Variants in HCRTR2 observed in about 807,000 individuals in gnomAD.
HCRTR2 encodes hypocretin receptor 2.
Under a neutral mutation model 49.0 loss-of-function variants are expected in HCRTR2, and 22 were observed. The ratio of observed to expected loss-of-function variants is 0.45; its 90% CI spans 0.32 to 0.64. The LOEUF (loss-of-function observed/expected upper bound fraction) is 0.64, where lower values mean the gene tolerates loss of function less well. Among genes scored for constraint, HCRTR2 ranks in the 30% least tolerant of loss-of-function variants. The probability of loss-of-function intolerance (pLI) is 0.04; values close to 1 mark genes in which losing one functional copy is unlikely to be tolerated. For missense variants in HCRTR2, 491 were observed against 559.4 expected (o/e 0.88, Z 1.23); for synonymous variants, 236 against 205.3 (o/e 1.15, Z -1.28).
rs1228499929 is a variant in HCRTR2, at chr6:55,198,718, A to T, written c.223+23908A>T. Among the ~76,000 whole-genome samples the T allele has an allele frequency of 2.0e-5, 3 of 152,214 alleles. No individual in the cohort carries two copies. The East Asian group carries it at 5.8e-4, about 29-fold the overall frequency. On this transcript the variant is annotated intron_variant, in intron 1 of 6. Coordinates refer to ENST00000370862, the MANE Select transcript of HCRTR2 (RefSeq NM_001384272.1). ...TGATAAAACACTGAAAATTAGCTTAACAAGGAAAAAAATAAAAATGTGTGT... is the reference window on the plus strand; with the variant it reads ...TGATAAAACACTGAAAATTAGCTTATCAAGGAAAAAAATAAAAATGTGTGT...
At chr6:55,142,558 G>T (rs1051453254) in intron 1 of HCRTR2, among the ~76,000 whole-genome samples, 2 of 151,742 alleles carry the variant, frequency 1.3e-5, no homozygotes, top group South Asian at 4.2e-4. Context: ...CACATTAATG[G>T]TATGTTTATT....
At position 55,199,853 on chromosome 6, in the gene HCRTR2, ATCAG is replaced by A. The variant is rs1257198876; in HGVS notation, c.223+25048_223+25051del. Among the ~76,000 whole-genome samples, 5 of 152,242 alleles carry A rather than the reference ATCAG, an allele frequency of 3.3e-5. 1 individual carries two copies. The highest frequency in any genetic ancestry group is 7.3e-5 in the Non-Finnish European group (5 of 68,030). On this transcript the variant is annotated intron_variant, in intron 1 of 6. Transcript: ENST00000370862. ...GAAAAATATATAAGGGAAGGATTTA[ATCAG>A]TCAGGCAAAAATCTAAATTCATCAC...
At chr6:55,271,459 A>T (rs1766970774) in intron 4 of HCRTR2, among the ~76,000 whole-genome samples, 1 of 152,152 alleles carries the variant, frequency 6.6e-6, no homozygotes, top group Admixed American at 6.6e-5. Context: ...GAAAATCATC[A>T]TGACCTTGGC....
At position 55,255,468 on chromosome 6, in the gene HCRTR2, A is replaced by G. The variant is rs1238089580; in HGVS notation, c.646+89A>G. 2.3e-5 allele frequency: 33 copies of G among 1,460,240 alleles called. No individual in the cohort carries two copies. The East Asian group carries it at 7.2e-4, about 32-fold the overall frequency. The allele number at this position is 1,460,240 out of a possible 1,614,324, so 90.5% of individuals were successfully genotyped here. ...GCATAGCCATTGTAAAGCTGGGCTTATATATTTTATTGACATTTGTGAATA... is the reference window on the plus strand; with the variant it reads ...GCATAGCCATTGTAAAGCTGGGCTTGTATATTTTATTGACATTTGTGAATA... On this transcript the variant is annotated intron_variant, in intron 3 of 6. Coordinates refer to ENST00000370862, the MANE Select transcript of HCRTR2 (RefSeq NM_001384272.1).
chr6:55,125,398 C>G (rs1008635768), intron 1 of HCRTR2, among the ~76,000 whole-genome samples: 5 of 152,144 alleles, frequency 3.3e-5, no homozygotes, highest in Non-Finnish European at 5.9e-5. Context: ...ATATAAAATT[C>G]TGGGTTGAAA....
At chr6:55,190,017 C>T (rs963883607) in intron 1 of HCRTR2, among the ~76,000 whole-genome samples, 3 of 152,130 alleles carry the variant, frequency 2.0e-5, no homozygotes, top group African/African-American at 7.2e-5. Context: ...CAGTCTACTA[C>T]TCTCAGGTAT....
At chr6:55,282,185 A>T (rs1343748691) in intron 6 of HCRTR2, 40 bp from the exon 7 acceptor site, 1 of 1,403,094 alleles carries the variant, frequency 7.1e-7, no homozygotes, top group South Asian at 1.2e-5. Context: ...TGAAGCATTT[A>T]TGTATAATTC....
intron 2 of HCRTR2, 35 bp downstream of exon 2, chr6:55,248,852 AAAG>A: frequency 6.3e-7 from 1 of 1,579,180 alleles, no homozygotes; most frequent in Non-Finnish European, 8.7e-7. Flanking sequence ...AAGCTACTAA[AAAG>A]AATGTTCAGC....
rs550135999 is a variant in HCRTR2 at position 55,203,365 on chromosome 6, G to A, written c.223+28555G>A. Among the ~76,000 whole-genome samples the A allele has an allele frequency of 3.3e-4, 50 of 152,192 alleles. No homozygotes were observed. The South Asian group carries it at 4.8e-3, about 15-fold the overall frequency. Reference sequence around the variant, plus strand: ...ATTACAACCATAGCTTGGGGTTTTAGTTTATTTGCTTTCTATCTTTTTTAT... The same window carrying A: ...ATTACAACCATAGCTTGGGGTTTTAATTTATTTGCTTTCTATCTTTTTTAT... On this transcript the variant is annotated intron_variant, in intron 1 of 6. Coordinates refer to ENST00000370862, the MANE Select transcript of HCRTR2 (RefSeq NM_001384272.1).
downstream of HCRTR2, chr6:55,282,670 C>T: frequency 7.2e-6 from 4 of 557,162 alleles, no homozygotes; most frequent in Admixed American, 3.3e-5. Flanking sequence ...TTCAATTGAG[C>T]TTATTTCAGG....
chr6:55,188,464 T>G (rs1765262494), intron 1 of HCRTR2, among the ~76,000 whole-genome samples: 1 of 152,178 alleles, frequency 6.6e-6, no homozygotes, highest in African/African-American at 2.4e-5. Context: ...CAAAGATATC[T>G]TTTTCATCCA....
chr6:55,188,077 C>T (rs1236506750), intron 1 of HCRTR2, among the ~76,000 whole-genome samples: 2 of 152,102 alleles, frequency 1.3e-5, no homozygotes, highest in Non-Finnish European at 2.9e-5. Flanking sequence ...CCACCACACC[C>T]GGCCATAAAT....
chr6:55,218,676 GTAATAT>G (rs941949070), intron 1 of HCRTR2, among the ~76,000 whole-genome samples: 1 of 152,164 alleles, frequency 6.6e-6, no homozygotes, highest in Non-Finnish European at 1.5e-5. Flanking sequence ...AGGACAATAT[GTAATAT>G]TAAAAGAGTC....
At chr6:55,200,279 T>TG (rs1562004631) in intron 1 of HCRTR2, among the ~76,000 whole-genome samples, 23 of 109,416 alleles carry the variant, frequency 2.1e-4, no homozygotes, top group East Asian at 1.7e-3. Flanking sequence ...GTGTGTGTGT[T>TG]TTTGAAACGG....
At chr6:55,263,558 T>C (rs1278222862) in intron 3 of HCRTR2, 149 bp from the exon 4 acceptor site, 1 of 638,194 alleles carries the variant, frequency 1.6e-6, no homozygotes, top group Non-Finnish European at 2.8e-6. Flanking sequence ...TTAAATATTA[T>C]GAATTATTTT....
intron 4 of HCRTR2, among the ~76,000 whole-genome samples, chr6:55,265,013 A>AT (rs889187674): frequency 1.6e-4 from 24 of 152,010 alleles, no homozygotes; most frequent in Admixed American, 3.9e-4. Context: ...AGCAACACTC[A>AT]TTTTTTTTAA....
At position 55,235,448 on chromosome 6, in the gene HCRTR2, TC is replaced by T. The variant is rs1259234031; in HGVS notation, c.224-13190del. 2.0e-5 allele frequency among the ~76,000 whole-genome samples: 3 copies of T among 152,172 alleles called. No individual in the cohort carries two copies. The East Asian group carries it at 5.8e-4, about 29-fold the overall frequency. On this transcript the variant is annotated intron_variant, in intron 1 of 6. Coordinates refer to ENST00000370862, the MANE Select transcript of HCRTR2 (RefSeq NM_001384272.1). Reference sequence around the variant, plus strand: ...ATAAATGTGTTGTAAATAACTTCTCTCACTCTTTGGCATATATTTTTGTCCT... The same window carrying T: ...ATAAATGTGTTGTAAATAACTTCTCTACTCTTTGGCATATATTTTTGTCCT...
intron 1 of HCRTR2, among the ~76,000 whole-genome samples, chr6:55,186,905 G>T (rs1561999786): frequency 6.6e-6 from 1 of 152,128 alleles, no homozygotes; most frequent in African/African-American, 2.4e-5. Flanking sequence ...CAATTCTAGG[G>T]TTCTGGACTG....
At chr6:55,272,891 T>C (rs1006311204) in intron 4 of HCRTR2, among the ~76,000 whole-genome samples, 1 of 141,346 alleles carries the variant, frequency 7.1e-6, no homozygotes, top group Non-Finnish European at 1.5e-5. Context: ...ATAGACTGTG[T>C]GAAAGAATAA....
Sources: gnomAD v4.1 joint callset for allele counts (sites outside exome capture counted in the v4.1 genomes callset) on GRCh38, gnomAD v4.1.1 for gene constraint, MANE v1.5 for transcripts, NCBI Gene and HGNC (gene_info 2026-07-23, HGNC 2026-07-21) for gene names.